The following AP2B1 variants were observed in gnomAD, a reference collection of about 807,000 sequenced individuals.
AP2B1 encodes the protein adaptor related protein complex 2 subunit beta 1, also known as AP-2 complex subunit beta.
AP2B1 carries 23 observed loss-of-function variants against 102.0 expected under a neutral mutation model. The ratio of observed to expected loss-of-function variants is 0.23; its 90% CI spans 0.16 to 0.32. The LOEUF is 0.32. Among genes scored for constraint, AP2B1 ranks in the 10% least tolerant of loss-of-function variants. The probability of loss-of-function intolerance (pLI) is 1.00; values close to 1 mark genes in which losing one functional copy is unlikely to be tolerated. For missense variants in AP2B1, 541 were observed against 1,157.4 expected (o/e 0.47, Z 7.73); for synonymous variants, 381 against 421.2 (o/e 0.90, Z 1.17).
chr17:35,718,584 A>G (rs2085255641), intron 21 of AP2B1, among the ~76,000 whole-genome samples: 1 of 152,078 alleles, frequency 6.6e-6, no homozygotes, highest in African/African-American at 2.4e-5. Flanking sequence ...AAGATAGCAC[A>G]TGCCTGTAAT....
In AP2B1 at chr17:35,723,796, ACT is replaced by A; in HGVS notation, c.*98_*99del. 2.3e-6 allele frequency: 2 copies of A among 879,794 alleles called. No homozygotes were observed. Among genetic ancestry groups the A allele is most frequent in the South Asian group, 2.9e-5 (2 of 69,906 alleles). 54.5% of individuals were successfully genotyped at this position (879,794 alleles called of 1,614,324 possible). ...GTATTGCTGCGTAGAATCTGAACACACTGAGGCCACCTAGCAAGGTAGTAACT... is the reference window on the plus strand; with the variant it reads ...GTATTGCTGCGTAGAATCTGAACACAGAGGCCACCTAGCAAGGTAGTAACT... On this transcript the variant is annotated 3_prime_UTR_variant, in exon 22 of 22. Transcript: ENST00000610402.
At chr17:35,642,025 T>C in intron 12 of AP2B1, 50 bp downstream of exon 12, 1 of 1,414,376 alleles carries the variant, frequency 7.1e-7, no homozygotes, top group African/African-American at 1.4e-5. Context: ...TTTCAAATTG[T>C]AGGAAATTAT....
chr17:35,713,907 G>T (rs1415880571), intron 20 of AP2B1: 1 of 152,214 alleles, frequency 6.6e-6, no homozygotes, highest in Non-Finnish European at 1.5e-5. Context: ...CATTTCTGTG[G>T]ATGTTGGGAG....
chr17:35,616,919 A>T (rs1001828097), intron 5 of AP2B1, among the ~76,000 whole-genome samples: 4 of 152,188 alleles, frequency 2.6e-5, no homozygotes, highest in African/African-American at 9.7e-5. Flanking sequence ...AAATTTTAGC[A>T]TCCTCATCTA....
At chr17:35,634,138 C>T (rs925228578) in intron 9 of AP2B1, among the ~76,000 whole-genome samples, 3 of 152,224 alleles carry the variant, frequency 2.0e-5, no homozygotes, top group Admixed American at 6.5e-5. Context: ...CAGAGTAAGA[C>T]TCTGTCTCAG....
At chr17:35,661,818 T>C (rs574867156) in intron 14 of AP2B1, among the ~76,000 whole-genome samples, 4 of 152,350 alleles carry the variant, frequency 2.6e-5, no homozygotes, top group South Asian at 2.1e-4. Context: ...TCATCTTCTT[T>C]TACTGTCACA....
At chr17:35,632,974 T>G (rs1055249883) in intron 9 of AP2B1, among the ~76,000 whole-genome samples, 2 of 151,996 alleles carry the variant, frequency 1.3e-5, no homozygotes, top group Non-Finnish European at 2.9e-5. Context: ...TTCCAACTGT[T>G]TTGCTGTTGC....
intron 15 of AP2B1, 80 bp from the exon 16 acceptor site, chr17:35,671,674 C>T: frequency 7.2e-7 from 1 of 1,394,728 alleles, no homozygotes. Flanking sequence ...ATCAAAACTA[C>T]TAAGATATAT....
intron 2 of AP2B1, among the ~76,000 whole-genome samples, chr17:35,595,116 G>T (rs552443896): frequency 2.6e-5 from 4 of 152,286 alleles, no homozygotes; most frequent in African/African-American, 9.6e-5. Context: ...TCAGTTTGTT[G>T]TCTGTAGCTT....
chr17:35,711,615 C>CT (rs2076451801), intron 20 of AP2B1, among the ~76,000 whole-genome samples: 1 of 152,062 alleles, frequency 6.6e-6, no homozygotes, highest in East Asian at 1.9e-4. Flanking sequence ...ACTACAGGCG[C>CT]CAGCCACCAC....
rs967291242 is a variant in AP2B1, at chr17:35,609,519, T to G, written c.525+1132T>G. ...CTGCCACCACGCCTGGCTAATTTTT[T>G]GTATTTTTTAGTAGAGACGGGGCTT... is the stretch of plus-strand genomic sequence containing the variant. On this transcript the variant is annotated intron_variant, in intron 5 of 21. Coordinates refer to ENST00000610402, the MANE Select transcript of AP2B1 (RefSeq NM_001030006.2). 2.0e-5 allele frequency among the ~76,000 whole-genome samples: 3 copies of G among 152,132 alleles called. No individual in the cohort carries two copies. The East Asian group carries it at 5.8e-4, about 29-fold the overall frequency.
At chr17:35,718,720 A>G (rs1555591380) in intron 21 of AP2B1, among the ~76,000 whole-genome samples, 1 of 150,678 alleles carries the variant, frequency 6.6e-6, no homozygotes, top group Non-Finnish European at 1.5e-5. Flanking sequence ...GAATAACTCC[A>G]TTTACTCTCT....
intron 5 of AP2B1, chr17:35,621,398 C>G: frequency 1.1e-6 from 1 of 928,560 alleles, no homozygotes; most frequent in Non-Finnish European, 1.3e-6. Context: ...AAAAATGTAA[C>G]AGTCTGACTG....
rs1218293261 is a variant in AP2B1 at position 35,597,843 on chromosome 17, G to T, written c.38-387G>T. On this transcript the variant is annotated intron_variant, in intron 2 of 21. Coordinates refer to ENST00000610402, the MANE Select transcript of AP2B1 (RefSeq NM_001030006.2). ...TCTGTAAAGCCGAGCGTGGGTAAAT[G>T]AGGTAATACGCGCCTGCTCCCTACC... 2.0e-5 allele frequency among the ~76,000 whole-genome samples: 3 copies of T among 152,278 alleles called. No individual in the cohort carries two copies. In the South Asian group the frequency reaches 6.2e-4, roughly 32 times the overall value.
intron 18 of AP2B1, among the ~76,000 whole-genome samples, chr17:35,701,311 A>T (rs2143002967): frequency 6.6e-6 from 1 of 152,312 alleles, no homozygotes; most frequent in Admixed American, 6.5e-5. Flanking sequence ...CCGGTTGGTC[A>T]TGACCCACCA....
chr17:35,627,282 C>T (rs965527820), intron 7 of AP2B1, 103 bp from the exon 8 acceptor site: 26 of 296,896 alleles, frequency 8.8e-5, no homozygotes, highest in Admixed American at 2.2e-4. Context: ...CTGAGTGGAG[C>T]GAGAGGAGAG....
intron 20 of AP2B1, among the ~76,000 whole-genome samples, chr17:35,716,950 C>T (rs1204816668): frequency 6.6e-6 from 1 of 152,208 alleles, no homozygotes; most frequent in East Asian, 1.9e-4. Context: ...AAAGGTAACT[C>T]GCACTAAACC....
chr17:35,680,237 G>A (rs1366013943), intron 17 of AP2B1, among the ~76,000 whole-genome samples: 1 of 152,062 alleles, frequency 6.6e-6, no homozygotes, highest in African/African-American at 2.4e-5. Flanking sequence ...TTTTATAAAC[G>A]TCGTAGTCCC....
chr17:35,696,998 C>T (rs949468772), intron 18 of AP2B1, among the ~76,000 whole-genome samples: 3 of 152,226 alleles, frequency 2.0e-5, no homozygotes, highest in Admixed American at 6.5e-5. Context: ...GCATCAGATT[C>T]ATCTAGTTCT....
Sources: gnomAD v4.1 joint callset for allele counts (sites outside exome capture counted in the v4.1 genomes callset) on GRCh38, gnomAD v4.1.1 for gene constraint, MANE v1.5 for transcripts, NCBI Gene and HGNC (gene_info 2026-07-23, HGNC 2026-07-21) for gene names.